Variants in RANBP17 observed in about 807,000 individuals in gnomAD.
RANBP17 encodes the protein RAN binding protein 17.
In RANBP17, 158 loss-of-function variants were observed where a neutral mutation model predicts 141.2. The ratio of observed to expected loss-of-function variants is 1.12; its 90% CI spans 0.98 to 1.28. RANBP17 has a LOEUF of 1.28. Ranked by LOEUF, RANBP17 falls within the 50% of genes most tolerant of loss-of-function variation. The pLI is 0.00. For synonymous variants in RANBP17, 430 were observed against 450.0 expected, an observed-to-expected ratio of 0.96 and a Z score of 0.56; for missense variants, 1,438 against 1,290.7, an observed-to-expected ratio of 1.11 and a Z score of -1.75.
intron 14 of RANBP17, among the ~76,000 whole-genome samples, chr5:171,103,785 A>C (rs1166099233): frequency 1.3e-5 from 2 of 152,138 alleles, no homozygotes; most frequent in African/African-American, 2.4e-5. Context: ...GGAAAATCGT[A>C]GTATCTGGGC....
intron 14 of RANBP17, among the ~76,000 whole-genome samples, chr5:171,023,217 G>A (rs139204585): frequency 4.6e-5 from 7 of 152,230 alleles, no homozygotes; most frequent in African/African-American, 9.6e-5. Flanking sequence ...GTTTCTAGTC[G>A]GCCATCTTGG....
chr5:170,921,475 G>A (rs940769523), intron 11 of RANBP17, among the ~76,000 whole-genome samples: 7 of 151,810 alleles, frequency 4.6e-5, no homozygotes, highest in Admixed American at 4.6e-4. Context: ...GTACCATGCT[G>A]TTTTGGTTAC....
intron 13 of RANBP17, among the ~76,000 whole-genome samples, chr5:170,955,133 C>A (rs2127499518): frequency 6.6e-6 from 1 of 152,210 alleles, no homozygotes; most frequent in African/African-American, 2.4e-5. Flanking sequence ...CAAACCCCAT[C>A]CATGGAAACA....
intron 14 of RANBP17, among the ~76,000 whole-genome samples, chr5:171,158,657 T>C (rs1168977106): frequency 6.6e-6 from 1 of 152,116 alleles, no homozygotes; most frequent in Non-Finnish European, 1.5e-5. Context: ...TGACCATTTA[T>C]TGTCCATTTC....
chr5:170,862,170 C>G, intron 1 of RANBP17, 119 bp downstream of exon 1: 2 of 1,082,672 alleles, frequency 1.8e-6, no homozygotes, highest in East Asian at 3.3e-5. Flanking sequence ...GCCGGTGTCC[C>G]CGGAGTCCCA....
At chr5:171,033,491 A>T (rs1281830854) in intron 14 of RANBP17, among the ~76,000 whole-genome samples, 2 of 152,192 alleles carry the variant, frequency 1.3e-5, no homozygotes, top group African/African-American at 4.8e-5. Context: ...TCTTTGGAAG[A>T]ATATGTTGCC....
At chr5:171,014,563 T>G (rs926934845) in intron 14 of RANBP17, among the ~76,000 whole-genome samples, 4 of 152,022 alleles carry the variant, frequency 2.6e-5, no homozygotes, top group Non-Finnish European at 5.9e-5. Flanking sequence ...AAAAGAACTT[T>G]CCAGCAGAGT....
At chr5:170,904,551 G>T (rs1345494875) in intron 5 of RANBP17, 2 of 152,118 alleles carry the variant, frequency 1.3e-5, no homozygotes, top group African/African-American at 4.8e-5. Context: ...AGAAAGTCTA[G>T]TTTGTTTTTC....
intron 14 of RANBP17, among the ~76,000 whole-genome samples, chr5:170,994,460 G>A (rs1008544278): frequency 6.6e-6 from 1 of 151,896 alleles, no homozygotes; most frequent in African/African-American, 2.4e-5. Context: ...ATCATTGCTG[G>A]ATCATACGTG....
chr5:170,994,021 A>G (rs539801862), intron 14 of RANBP17, among the ~76,000 whole-genome samples: 2 of 152,196 alleles, frequency 1.3e-5, no homozygotes, highest in South Asian at 2.1e-4. Flanking sequence ...CTTAGCAGCT[A>G]TCAAAATTAC....
chr5:171,088,366 C>T (rs1026528793), intron 14 of RANBP17, among the ~76,000 whole-genome samples: 5 of 152,200 alleles, frequency 3.3e-5, no homozygotes, highest in East Asian at 1.9e-4. Flanking sequence ...TTGTAAGTAA[C>T]ATGACCTTTC....
At chr5:171,192,678 G>A (rs937080724) in intron 18 of RANBP17, among the ~76,000 whole-genome samples, 2 of 152,126 alleles carry the variant, frequency 1.3e-5, no homozygotes, top group African/African-American at 4.8e-5. Context: ...ATTAAGAAAC[G>A]TTTATTGAGT....
chr5:171,077,433 C>T (rs901099358), intron 14 of RANBP17, among the ~76,000 whole-genome samples: 7 of 151,890 alleles, frequency 4.6e-5, no homozygotes, highest in African/African-American at 1.7e-4. Context: ...TAATAAAATA[C>T]AGGAAATACA....
At chr5:171,022,345 G>A (rs1780924571) in intron 14 of RANBP17, among the ~76,000 whole-genome samples, 1 of 152,218 alleles carries the variant, frequency 6.6e-6, no homozygotes, top group African/African-American at 2.4e-5. Context: ...TTCACTGGGG[G>A]AAACCCGCTC....
rs868426956 is a variant in RANBP17, at chr5:170,977,073, A to C, written c.1710+8696A>C. ...AAGCGCAACCTACAAAAATGGGAGA[A>C]GATATTTGCATATCATATATTTCAT... On this transcript the variant is annotated intron_variant, in intron 14 of 27. Transcript: ENST00000523189. Among the ~76,000 whole-genome samples the C allele has an allele frequency of 2.0e-5, 3 of 152,262 alleles. No homozygotes were observed. The Middle Eastern group carries it at 0.01, about 518-fold the overall frequency.
rs139222348 is a variant in RANBP17 at position 171,239,416 on chromosome 5, T to C, written c.2423-1512T>C. 4.9e-3 allele frequency among the ~76,000 whole-genome samples: 750 copies of C among 152,240 alleles called. 6 individuals are homozygous for C. The highest frequency in any genetic ancestry group is 0.017 in the African/African-American group (716 of 41,534). ...TAGTACACATGTGATTACCATAATATATATATGTCAGTCAAGCTTCAAACC... is the reference window on the plus strand; with the variant it reads ...TAGTACACATGTGATTACCATAATACATATATGTCAGTCAAGCTTCAAACC... On this transcript the variant is annotated intron_variant, in intron 22 of 27. Coordinates refer to ENST00000523189, the MANE Select transcript of RANBP17 (RefSeq NM_022897.5).
At chr5:171,240,562 T>G (rs1764803171) in intron 22 of RANBP17, among the ~76,000 whole-genome samples, 1 of 152,144 alleles carries the variant, frequency 6.6e-6, no homozygotes, top group African/African-American at 2.4e-5. Flanking sequence ...TCTCTTGACT[T>G]AGTTTTATCC....
At chr5:170,868,037 T>G (rs1767417997) in intron 1 of RANBP17, among the ~76,000 whole-genome samples, 1 of 152,148 alleles carries the variant, frequency 6.6e-6, no homozygotes, top group Admixed American at 6.5e-5. Context: ...TATCAACACG[T>G]GTGGCTTTTA....
intron 12 of RANBP17, among the ~76,000 whole-genome samples, chr5:170,926,618 G>A (rs533733124): frequency 6.6e-6 from 1 of 152,012 alleles, no homozygotes; most frequent in Admixed American, 6.6e-5. Context: ...ATTTTAGTGT[G>A]TTATTCTTAT....
Sources: allele counts gnomAD v4.1 joint callset (sites outside exome capture counted in the v4.1 genomes callset), GRCh38; gene constraint gnomAD v4.1.1; transcripts MANE v1.5; gene names NCBI Gene and HGNC (gene_info 2026-07-23, HGNC 2026-07-21).